CROT: variants seen among roughly 807,000 people sequenced by gnomAD.
CROT encodes carnitine O-octanoyltransferase.
Under a neutral mutation model 89.2 loss-of-function variants are expected in CROT, and 84 were observed. The observed-to-expected ratio is 0.94, with a 90% CI of 0.79 to 1.13. The LOEUF (loss-of-function observed/expected upper bound fraction) is 1.13. Ranked by LOEUF, CROT falls within the 50% of genes most tolerant of loss-of-function variation. CROT has a pLI of 0.00. For synonymous variants in CROT, 212 were observed against 239.5 expected, an observed-to-expected ratio of 0.89 and a Z score of 1.06; for missense variants, 711 against 727.8, an observed-to-expected ratio of 0.98 and a Z score of 0.27.
chr7:87,392,650 TAAG>T lies in CROT; in HGVS notation c.1504+7_1504+9del. 6.2e-7 allele frequency: 1 copy of T among 1,612,390 alleles called. No individual in the cohort carries two copies. Among genetic ancestry groups the T allele is most frequent in the Non-Finnish European group, 8.5e-7 (1 of 1,179,050 alleles). On this transcript the variant is annotated splice_region_variant and intron_variant, in intron 15 of 17. Transcript: ENST00000331536. Reference sequence around the variant, plus strand: ...AGATTGTTCAGCTGGAAAAGGTACTTAAGTTAAAATTTTTCTGACTTAAAAATC... The same window carrying T: ...AGATTGTTCAGCTGGAAAAGGTACTTTTAAAATTTTTCTGACTTAAAAATC...
chr7:87,359,678 A>G, intron 4 of CROT: 2 of 1,059,608 alleles, frequency 1.9e-6, no homozygotes, highest in Non-Finnish European at 2.3e-6. Context: ...AAAAATCAGA[A>G]ACACTAAAAT....
chr7:87,376,668 T>C (rs1806821440), intron 9 of CROT, among the ~76,000 whole-genome samples: 1 of 151,984 alleles, frequency 6.6e-6, no homozygotes, highest in South Asian at 2.1e-4. Context: ...CAGACTTCTT[T>C]TTAAGGAAGA....
At chr7:87,359,939 T>C in intron 4 of CROT, 1 of 983,358 alleles carries the variant, frequency 1.0e-6, no homozygotes, top group Non-Finnish European at 1.2e-6. Flanking sequence ...AGCATTGCCT[T>C]AGTCTAGAAA....
chr7:87,382,059 C>T lies in CROT; in HGVS notation c.1063-15C>T. On this transcript the variant is annotated splice_polypyrimidine_tract_variant and intron_variant, in intron 11 of 17. Coordinates refer to ENST00000331536, the MANE Select transcript of CROT (RefSeq NM_021151.4). Reference sequence around the variant, plus strand: ...TTCTATAGATAAAATATTTTTAAGTCTTCCCTATTTTCAGGGTTCAGAGAA... The same window carrying T: ...TTCTATAGATAAAATATTTTTAAGTTTTCCCTATTTTCAGGGTTCAGAGAA... The T allele has an allele frequency of 6.3e-7, 1 of 1,588,524 alleles. No homozygotes were observed. Among genetic ancestry groups the T allele is most frequent in the Non-Finnish European group, 8.6e-7 (1 of 1,160,088 alleles).
chr7:87,375,163 A>T (rs993478384), intron 7 of CROT: 3 of 153,002 alleles, frequency 2.0e-5, no homozygotes, highest in Non-Finnish European at 2.9e-5. Context: ...TGGTATTTCT[A>T]TTTTTTTTTG....
chr7:87,365,730 C>T (rs1806423047), intron 6 of CROT, among the ~76,000 whole-genome samples: 1 of 151,224 alleles, frequency 6.6e-6, no homozygotes, highest in Admixed American at 6.6e-5. Context: ...ACTTCAGCCT[C>T]CTGAGTAGCT....
intron 6 of CROT, 105 bp from the exon 7 acceptor site, chr7:87,369,271 A>C: frequency 1.5e-6 from 1 of 674,464 alleles, no homozygotes; most frequent in Non-Finnish European, 2.6e-6. Flanking sequence ...CTATATGATA[A>C]ATAAAATACT....
Position 87,349,104 on chromosome 7 carries a change from A to G in CROT, c.36A>G (p.Arg12=), listed in dbSNP as rs1228242131. Residue 12 remains arginine, a synonymous_variant, in exon 3 of 18, where the codon CGA becomes CGG. Coordinates refer to ENST00000331536, the MANE Select transcript of CROT (RefSeq NM_021151.4). Reference sequence around the variant, plus strand: ...AATTGGCTAAATCAACTGAAGAACGAACATTTCAGTACCAGGATTCTCTTC... The same window carrying G: ...AATTGGCTAAATCAACTGAAGAACGGACATTTCAGTACCAGGATTCTCTTC... ...ENQLAKSTEE[R]TFQYQDSLPS... 1 of 1,606,856 alleles carries G rather than the reference A, an allele frequency of 6.2e-7. No individual in the cohort carries two copies. The highest frequency in any genetic ancestry group is 8.5e-7 in the Non-Finnish European group (1 of 1,176,016).
intron 7 of CROT, among the ~76,000 whole-genome samples, chr7:87,372,713 CTT>C (rs1806682968): frequency 6.6e-6 from 1 of 152,034 alleles, no homozygotes; most frequent in African/African-American, 2.4e-5. Flanking sequence ...AACATGTAGC[CTT>C]TTGTGTGTAG....
At chr7:87,392,533 T>C in intron 14 of CROT, 33 bp from the exon 15 acceptor site, 1 of 1,561,730 alleles carries the variant, frequency 6.4e-7, no homozygotes, top group Non-Finnish European at 8.8e-7. Context: ...TTGCACAGTG[T>C]GTTATTGAAG....
chr7:87,371,933 G>A lies in CROT; in HGVS notation c.656+2449G>A, dbSNP rs533177688. Among the ~76,000 whole-genome samples the A allele has an allele frequency of 1.3e-3, 195 of 149,496 alleles. 1 individual carries two copies. The highest frequency in any genetic ancestry group is 7.5e-4 in the Non-Finnish European group (51 of 67,678). Reference sequence around the variant, plus strand: ...CACTTGAGCCCAGGAGGTCGAGGCTGCAGTGAGCTGTGATTACGCCACTGC... The same window carrying A: ...CACTTGAGCCCAGGAGGTCGAGGCTACAGTGAGCTGTGATTACGCCACTGC... On this transcript the variant is annotated intron_variant, in intron 7 of 17. Transcript: ENST00000331536.
intron 3 of CROT, among the ~76,000 whole-genome samples, chr7:87,354,629 AG>A (rs1003663225): frequency 1.2e-4 from 19 of 152,322 alleles, no homozygotes; most frequent in African/African-American, 4.3e-4. Context: ...AGAAAAAAAA[AG>A]TTGATGAGAA....
chr7:87,388,114 G>A (rs1415162558), intron 13 of CROT, among the ~76,000 whole-genome samples: 2 of 152,126 alleles, frequency 1.3e-5, no homozygotes, highest in African/African-American at 4.8e-5. Context: ...CAGGCCTGGA[G>A]CCAAGACTCC....
chr7:87,374,651 T>C (rs565711880), intron 7 of CROT, among the ~76,000 whole-genome samples: 1 of 152,184 alleles, frequency 6.6e-6, no homozygotes, highest in South Asian at 2.1e-4. Flanking sequence ...GAAACCCTTA[T>C]TCTGTTCCTC....
intron 13 of CROT, among the ~76,000 whole-genome samples, chr7:87,385,735 T>C (rs1807164981): frequency 6.6e-6 from 1 of 152,196 alleles, no homozygotes; most frequent in Non-Finnish European, 1.5e-5. Flanking sequence ...GTGGTGAAAG[T>C]AGGCATCTTT....
intron 16 of CROT, 62 bp downstream of exon 16, chr7:87,392,885 GT>G (rs1807415419): frequency 1.2e-6 from 2 of 1,610,844 alleles, no homozygotes; most frequent in African/African-American, 2.7e-5. Context: ...ATATTAAATG[GT>G]TTTTAGAAAC....
At chr7:87,391,845 G>GT in intron 14 of CROT, 133 bp downstream of exon 14, 3 of 895,312 alleles carry the variant, frequency 3.4e-6, no homozygotes, top group Non-Finnish European at 5.0e-6. Context: ...CTTTTCTGAG[G>GT]TTTTTAAAGC....
At chr7:87,397,408 T>G (rs1807570772) in intron 17 of CROT, among the ~76,000 whole-genome samples, 1 of 152,194 alleles carries the variant, frequency 6.6e-6, no homozygotes, top group South Asian at 2.1e-4. Flanking sequence ...AATTACTTGT[T>G]TACCTATGAA....
intron 6 of CROT, among the ~76,000 whole-genome samples, chr7:87,365,577 A>G (rs902408086): frequency 6.6e-6 from 1 of 150,806 alleles, no homozygotes; most frequent in Non-Finnish European, 1.5e-5. Flanking sequence ...GGTTAGTCTC[A>G]ATAAGGAGGC....
Sources: gnomAD v4.1 joint callset for allele counts (sites outside exome capture counted in the v4.1 genomes callset) on GRCh38, gnomAD v4.1.1 for gene constraint, MANE v1.5 for transcripts, NCBI Gene and HGNC (gene_info 2026-07-23, HGNC 2026-07-21) for gene names.